Variants in INTS9 observed in about 807,000 individuals in gnomAD.
The protein encoded by INTS9 is protein related to CPSF subunits of 74 kDa.
A neutral mutation model predicts 79.7 loss-of-function variants in INTS9; 55 were observed. That is an observed-to-expected ratio of 0.69 (90% CI 0.56 to 0.86). The LOEUF is 0.86. Among genes scored for constraint, INTS9 ranks in the 40% least tolerant of loss-of-function variants. The pLI, the probability that INTS9 is intolerant of heterozygous loss-of-function variation, is 0.00. For missense variants in INTS9, 721 were observed against 831.5 expected (o/e 0.87, Z 1.64); for synonymous variants, 319 against 325.2 (o/e 0.98, Z 0.20).
At chr8:28,839,676 A>C (rs1807043223) in intron 4 of INTS9, among the ~76,000 whole-genome samples, 1 of 152,218 alleles carries the variant, frequency 6.6e-6, no homozygotes, top group Admixed American at 6.5e-5. Context: ...ACCTGAAAAA[A>C]ATAAGCAATG....
chr8:28,778,383 C>A (rs972601319), intron 12 of INTS9, among the ~76,000 whole-genome samples: 1 of 152,180 alleles, frequency 6.6e-6, no homozygotes, highest in African/African-American at 2.4e-5. Flanking sequence ...TTCAAAGAGT[C>A]CCCCACAAGG....
chr8:28,875,563 C>T (rs995951494), intron 1 of INTS9, among the ~76,000 whole-genome samples: 5 of 151,944 alleles, frequency 3.3e-5, no homozygotes, highest in Non-Finnish European at 5.9e-5. Context: ...TAAATGTGTG[C>T]CATCGTGGTT....
At chr8:28,867,029 G>A (rs1461021384) in intron 1 of INTS9, among the ~76,000 whole-genome samples, 1 of 152,076 alleles carries the variant, frequency 6.6e-6, no homozygotes, top group Non-Finnish European at 1.5e-5. Flanking sequence ...GCTCATGCCT[G>A]TAATCCTAGC....
intron 8 of INTS9, among the ~76,000 whole-genome samples, chr8:28,807,137 G>T (rs1737957942): frequency 6.6e-6 from 1 of 152,066 alleles, no homozygotes; most frequent in South Asian, 2.1e-4. Flanking sequence ...ACACAAAAAA[G>T]GTTAAACAAA....
intron 6 of INTS9, among the ~76,000 whole-genome samples, chr8:28,815,147 G>A (rs909204501): frequency 2.6e-5 from 4 of 151,978 alleles, no homozygotes; most frequent in African/African-American, 7.2e-5. Flanking sequence ...CCTTACTATC[G>A]TTAGAAAAAT....
intron 11 of INTS9, 108 bp downstream of exon 11, chr8:28,787,721 C>A: frequency 1.5e-6 from 1 of 685,334 alleles, no homozygotes; most frequent in Non-Finnish European, 2.5e-6. Flanking sequence ...GCAAAGGGGT[C>A]TACAGGTTTA....
chr8:28,819,880 T>C (rs567345621), intron 6 of INTS9, among the ~76,000 whole-genome samples: 1 of 152,354 alleles, frequency 6.6e-6, no homozygotes, highest in East Asian at 1.9e-4. Context: ...TTCTTCTTGT[T>C]GAATTGATCC....
intron 14 of INTS9, among the ~76,000 whole-genome samples, chr8:28,775,545 C>T (rs985227928): frequency 6.6e-6 from 1 of 152,178 alleles, no homozygotes; most frequent in African/African-American, 2.4e-5. Context: ...GCCATATTGG[C>T]TGGGCTGGGT....
chr8:28,796,401 T>A (rs1384092043), intron 9 of INTS9, 143 bp downstream of exon 9: 1 of 562,662 alleles, frequency 1.8e-6, no homozygotes, highest in Non-Finnish European at 3.2e-6. Context: ...GTGCTATTAT[T>A]TGCAAAGATA....
intron 14 of INTS9, 106 bp downstream of exon 14, chr8:28,775,653 G>C: frequency 8.1e-7 from 1 of 1,230,000 alleles, no homozygotes. Flanking sequence ...CGCGCAGCCT[G>C]GTTCATTTAT....
chr8:28,856,441 G>C (rs761576124), intron 2 of INTS9, among the ~76,000 whole-genome samples: 3 of 150,764 alleles, frequency 2.0e-5, no homozygotes, highest in Non-Finnish European at 4.4e-5. Context: ...TTTGAGACAC[G>C]GTCTCTCTCT....
At chr8:28,870,838 A>T (rs1418207703) in intron 1 of INTS9, among the ~76,000 whole-genome samples, 1 of 152,204 alleles carries the variant, frequency 6.6e-6, no homozygotes, top group African/African-American at 2.4e-5. Flanking sequence ...AGCAAGGAGG[A>T]GAGCATGCCT....
chr8:28,856,728 T>C (rs1398986351), intron 2 of INTS9, among the ~76,000 whole-genome samples: 1 of 152,202 alleles, frequency 6.6e-6, no homozygotes, highest in African/African-American at 2.4e-5. Flanking sequence ...TTATTTCAAC[T>C]TGTATTTAGA....
intron 12 of INTS9, among the ~76,000 whole-genome samples, chr8:28,779,538 C>T (rs536067301): frequency 1.6e-4 from 24 of 152,156 alleles, no homozygotes; most frequent in Non-Finnish European, 2.9e-4. Flanking sequence ...GCAAACTTCC[C>T]GCTATGCCGG....
intron 11 of INTS9, among the ~76,000 whole-genome samples, chr8:28,784,311 A>G (rs1156830094): frequency 6.6e-6 from 1 of 152,266 alleles, no homozygotes; most frequent in Non-Finnish European, 1.5e-5. Context: ...CTCTACAGCA[A>G]GGCTGACTGC....
At chr8:28,829,987 T>G (rs949003643) in intron 6 of INTS9, among the ~76,000 whole-genome samples, 4 of 151,282 alleles carry the variant, frequency 2.6e-5, no homozygotes, top group African/African-American at 9.7e-5. Flanking sequence ...TCCCCAGCCC[T>G]GTAGGCATTG....
chr8:28,883,320 C>G (rs1809997121), intron 1 of INTS9, among the ~76,000 whole-genome samples: 1 of 152,182 alleles, frequency 6.6e-6, no homozygotes, highest in Non-Finnish European at 1.5e-5. Context: ...AAATGTGTTC[C>G]CCTTTCTGGT....
At chr8:28,885,833 T>TA (rs900872454) in intron 1 of INTS9, among the ~76,000 whole-genome samples, 3 of 152,382 alleles carry the variant, frequency 2.0e-5, no homozygotes, top group Non-Finnish European at 4.4e-5. Flanking sequence ...GAACATGCTC[T>TA]AAAATGTGCT....
At chr8:28,872,292 C>G (rs1328977923) in intron 1 of INTS9, among the ~76,000 whole-genome samples, 1 of 152,102 alleles carries the variant, frequency 6.6e-6, no homozygotes, top group East Asian at 1.9e-4. Flanking sequence ...CTGTGTGGGA[C>G]AGTAGGGAAT....
Sources: allele counts gnomAD v4.1 joint callset (sites outside exome capture counted in the v4.1 genomes callset), GRCh38; gene constraint gnomAD v4.1.1; transcripts MANE v1.5; gene names NCBI Gene and HGNC (gene_info 2026-07-23, HGNC 2026-07-21).